SMAD1: variants seen among roughly 807,000 people sequenced by gnomAD.
The protein encoded by SMAD1 is SMAD family member 1.
SMAD1 carries 6 observed loss-of-function variants against 41.6 expected under a neutral mutation model. The ratio of observed to expected loss-of-function variants is 0.14; its 90% CI spans 0.08 to 0.28. The LOEUF (loss-of-function observed/expected upper bound fraction) is 0.28. Ranked by LOEUF, SMAD1 falls within the 10% of genes least tolerant of loss-of-function variation. The pLI is 1.00. For synonymous variants in SMAD1, 206 were observed against 203.2 expected, an observed-to-expected ratio of 1.01 and a Z score of -0.12; for missense variants, 379 against 582.6, an observed-to-expected ratio of 0.65 and a Z score of 3.60.
intron 2 of SMAD1, among the ~76,000 whole-genome samples, chr4:145,531,793 G>T (rs1479967328): frequency 6.6e-6 from 1 of 151,650 alleles, no homozygotes; most frequent in East Asian, 1.9e-4. Context: ...TTTCTGTACT[G>T]CCAGGTAACA....
chr4:145,531,410 A>G (rs1488780973), intron 2 of SMAD1, among the ~76,000 whole-genome samples: 1 of 151,888 alleles, frequency 6.6e-6, no homozygotes, highest in African/African-American at 2.4e-5. Flanking sequence ...TCCCTTTCTC[A>G]CAAGAATTGC....
At position 145,489,227 on chromosome 4, in the gene SMAD1, T is replaced by C. The variant is rs190686156; in HGVS notation, c.-177+7189T>C. Among the ~76,000 whole-genome samples, 352 of 152,344 alleles carry C rather than the reference T, an allele frequency of 2.3e-3. 3 individuals are homozygous for C. Among genetic ancestry groups the C allele is most frequent in the Non-Finnish European group, 4.0e-3 (274 of 68,034 alleles). ...CCTGCCTGACCTCAGTGGGTGTTCC[T>C]CATGGAGCCTAGTATGGTGGTGTGG... is the stretch of plus-strand genomic sequence containing the variant. On this transcript the variant is annotated intron_variant, in intron 1 of 6. Transcript: ENST00000302085.
chr4:145,526,401 G>A (rs912347076), intron 2 of SMAD1, among the ~76,000 whole-genome samples: 2 of 152,132 alleles, frequency 1.3e-5, no homozygotes, highest in Non-Finnish European at 2.9e-5. Context: ...GTTTACCCAG[G>A]GTATGGTGGT....
intron 1 of SMAD1, among the ~76,000 whole-genome samples, chr4:145,490,962 G>A (rs1402058598): frequency 1.3e-5 from 2 of 152,136 alleles, no homozygotes; most frequent in Admixed American, 6.5e-5. Flanking sequence ...GAAAGATTCT[G>A]CAGTGGATTC....
chr4:145,532,230 A>G (rs1731356544), intron 2 of SMAD1, among the ~76,000 whole-genome samples: 1 of 152,172 alleles, frequency 6.6e-6, no homozygotes, highest in Non-Finnish European at 1.5e-5. Context: ...TGGAAAAGGG[A>G]TTTTATTTTT....
chr4:145,542,431 A>C (rs183965142), intron 3 of SMAD1, 151 bp from the exon 4 acceptor site: 20 of 515,568 alleles, frequency 3.9e-5, no homozygotes, highest in Non-Finnish European at 6.2e-5. Flanking sequence ...GAAATTGTAC[A>C]TCAAGGCAGT....
rs1732967562 is a variant in SMAD1 at position 145,558,462 on chromosome 4, A to G, written c.*528A>G. ...GGTTAATCTTGATGATATACATAAT[A>G]ATCTTTCTAAAATTGTATGCTGACC... On this transcript the variant is annotated 3_prime_UTR_variant, in exon 7 of 7. Transcript: ENST00000302085. 6.6e-6 allele frequency among the ~76,000 whole-genome samples: 1 copy of G among 152,204 alleles called. No individual in the cohort carries two copies. Among genetic ancestry groups the G allele is most frequent in the African/African-American group, 2.4e-5 (1 of 41,452 alleles).
intron 5 of SMAD1, among the ~76,000 whole-genome samples, chr4:145,552,247 A>C (rs1732589524): frequency 6.6e-6 from 1 of 152,206 alleles, no homozygotes; most frequent in Admixed American, 6.5e-5. Flanking sequence ...CAGGCCAAAA[A>C]AATGGCCTTC....
intron 2 of SMAD1, among the ~76,000 whole-genome samples, chr4:145,516,308 A>G (rs962283782): frequency 3.3e-5 from 5 of 152,178 alleles, no homozygotes; most frequent in African/African-American, 1.2e-4. Flanking sequence ...TGTTCATCCA[A>G]CATTACGTTT....
At position 145,556,022 on chromosome 4, in the gene SMAD1, C is replaced by T. The variant is rs1031829193; in HGVS notation, c.1255-1769C>T. ...TGCACACTGTTTTTACAAAACTGTT[C>T]TTTATTATAAGGACTGCATACTTTG... On this transcript the variant is annotated intron_variant, in intron 6 of 6. Transcript: ENST00000302085. Among the ~76,000 whole-genome samples the T allele has an allele frequency of 4.6e-5, 7 of 152,216 alleles. 1 individual carries two copies. In the East Asian group the frequency reaches 1.4e-3, roughly 29 times the overall value.
chr4:145,507,652 GT>G (rs540521423), intron 1 of SMAD1, among the ~76,000 whole-genome samples: 158 of 141,848 alleles, frequency 1.1e-3, no homozygotes, highest in Middle Eastern at 3.6e-3. Context: ...AGGCTGCTGG[GT>G]TTTTTTTTTT....
chr4:145,497,239 TTGA>T (rs1242206572), intron 1 of SMAD1: 6 of 152,256 alleles, frequency 3.9e-5, no homozygotes, highest in African/African-American at 1.4e-4. Context: ...AAACAGCTGG[TTGA>T]TATTTGGACT....
At chr4:145,539,474 T>C (rs1250363142) in intron 2 of SMAD1, among the ~76,000 whole-genome samples, 1 of 152,206 alleles carries the variant, frequency 6.6e-6, no homozygotes, top group Non-Finnish European at 1.5e-5. Flanking sequence ...AATTATGCTT[T>C]GGTTTTTAGT....
At position 145,558,749 on chromosome 4, in the gene SMAD1, T is replaced by C. The variant is rs540016112; in HGVS notation, c.*815T>C. Among the ~76,000 whole-genome samples, 2 of 152,206 alleles carry C rather than the reference T, an allele frequency of 1.3e-5. No homozygotes were observed. The highest frequency in any genetic ancestry group is 1.9e-4 in the East Asian group (1 of 5,182). On this transcript the variant is annotated 3_prime_UTR_variant, in exon 7 of 7. Transcript: ENST00000302085. ...TCATTTTTTTCTCTCTCGGCATTCT[T>C]TTTTCTCATACTCTTCAAAAAGCAG...
At chr4:145,500,571 A>C (rs936086742) in intron 1 of SMAD1, among the ~76,000 whole-genome samples, 2 of 152,082 alleles carry the variant, frequency 1.3e-5, no homozygotes, top group African/African-American at 4.8e-5. Flanking sequence ...TTCCCTGACC[A>C]CCAGAATGTA....
rs557477287 is a variant in SMAD1, at chr4:145,486,640, G to A, written c.-177+4602G>A. ...AACTATCCAAATCTCATGGTCTTTCGGGTGAAATATGTCCATGGGACTGCC... is the reference window on the plus strand; with the variant it reads ...AACTATCCAAATCTCATGGTCTTTCAGGTGAAATATGTCCATGGGACTGCC... On this transcript the variant is annotated intron_variant, in intron 1 of 6. Transcript: ENST00000302085. Among the ~76,000 whole-genome samples the A allele has an allele frequency of 4.6e-5, 7 of 152,200 alleles. No homozygotes were observed. In the East Asian group the frequency reaches 5.8e-4, roughly 13 times the overall value.
chr4:145,512,689 A>T (rs1730150321), intron 1 of SMAD1, among the ~76,000 whole-genome samples: 1 of 152,146 alleles, frequency 6.6e-6, no homozygotes, highest in South Asian at 2.1e-4. Context: ...TGGTAACTCC[A>T]TTACCTGGGT....
rs143723617 is a variant in SMAD1 at position 145,540,111 on chromosome 4, T to C, written c.658+50T>C. On this transcript the variant is annotated intron_variant, in intron 3 of 6. Transcript: ENST00000302085. ...TCTGTAGTCATATCAGACAGTGTTA[T>C]CACAGTGTCACGGAAAAGCTGGGTC... 1.1e-5 allele frequency: 18 copies of C among 1,599,912 alleles called. No individual in the cohort carries two copies. The East Asian group carries it at 3.4e-4, about 30-fold the overall frequency.
intron 1 of SMAD1, among the ~76,000 whole-genome samples, chr4:145,504,538 A>G (rs1729656209): frequency 2.0e-5 from 3 of 152,012 alleles, no homozygotes; most frequent in Admixed American, 6.6e-5. Flanking sequence ...GTTGTGTTCT[A>G]CTTGTTCTAG....
Sources: allele counts gnomAD v4.1 joint callset (sites outside exome capture counted in the v4.1 genomes callset), GRCh38; gene constraint gnomAD v4.1.1; transcripts MANE v1.5; gene names NCBI Gene and HGNC (gene_info 2026-07-23, HGNC 2026-07-21).